PRKCB: variants seen among roughly 807,000 people sequenced by gnomAD.
PRKCB encodes the protein protein kinase C beta.
A neutral mutation model predicts 81.5 loss-of-function variants in PRKCB; 13 were observed. The observed-to-expected ratio is 0.16, with a 90% CI of 0.10 to 0.25. The LOEUF (loss-of-function observed/expected upper bound fraction) is 0.25, where lower values mean the gene tolerates loss of function less well. Ranked by LOEUF, PRKCB falls within the 10% of genes least tolerant of loss-of-function variation. PRKCB has a pLI of 1.00. For missense variants in PRKCB, 509 were observed against 875.7 expected (o/e 0.58, Z 5.29); for synonymous variants, 335 against 321.4 (o/e 1.04, Z -0.45).
chr16:24,023,664 G>A (rs560788476), intron 3 of PRKCB, among the ~76,000 whole-genome samples: 16 of 152,152 alleles, frequency 1.1e-4, no homozygotes, highest in Admixed American at 5.9e-4. Context: ...CACCGCACCC[G>A]GCCAGGCAGG....
intron 10 of PRKCB, among the ~76,000 whole-genome samples, chr16:24,167,538 C>T (rs71379850): frequency 0.19 from 28,019 of 151,130 alleles, 2,835 homozygotes; most frequent in South Asian, 0.33. Context: ...CCAGACTGGG[C>T]GACAGAGTGA....
intron 12 of PRKCB, among the ~76,000 whole-genome samples, chr16:24,179,243 C>G (rs1967582014): frequency 6.6e-6 from 1 of 152,212 alleles, no homozygotes; most frequent in African/African-American, 2.4e-5. Flanking sequence ...CTGGGACAGG[C>G]CCACTTGACC....
At chr16:24,211,726 T>G (rs2238495) in intron 16 of PRKCB, among the ~76,000 whole-genome samples, 7,967 of 151,982 alleles carry the variant, frequency 0.052, 312 homozygotes, top group East Asian at 0.17. Flanking sequence ...GCCTGGCTAA[T>G]TTTTTGTATT....
At chr16:23,947,962 AC>A (rs1030317356) in intron 2 of PRKCB, among the ~76,000 whole-genome samples, 1 of 150,234 alleles carries the variant, frequency 6.7e-6, no homozygotes, top group Middle Eastern at 3.4e-3. Context: ...CAACTCAGAA[AC>A]CCACTCGCCC....
chr16:24,083,136 A>G (rs1348350996), intron 5 of PRKCB, among the ~76,000 whole-genome samples: 1 of 152,216 alleles, frequency 6.6e-6, no homozygotes. Context: ...ATGAGATACC[A>G]TTGCACACTT....
intron 11 of PRKCB, 78 bp downstream of exon 11, chr16:24,172,439 C>A: frequency 8.1e-7 from 1 of 1,240,104 alleles, no homozygotes; most frequent in Non-Finnish European, 1.2e-6. Flanking sequence ...TGTTTTTTTG[C>A]CAAAGAGGGA....
chr16:24,124,107 A>G, intron 9 of PRKCB, 126 bp downstream of exon 9: 1 of 1,107,564 alleles, frequency 9.0e-7, no homozygotes, highest in Non-Finnish European at 1.3e-6. Flanking sequence ...GAGCCACACT[A>G]CACTTTGTAA....
At chr16:23,903,955 C>T (rs374050707) in intron 2 of PRKCB, among the ~76,000 whole-genome samples, 16 of 152,246 alleles carry the variant, frequency 1.1e-4, no homozygotes, top group South Asian at 4.1e-4. Flanking sequence ...AAATATGTGT[C>T]GACTAAATGA....
chr16:24,210,072 T>G (rs902420983), intron 16 of PRKCB, among the ~76,000 whole-genome samples: 1 of 152,162 alleles, frequency 6.6e-6, no homozygotes, highest in African/African-American at 2.4e-5. Context: ...GCTGTGATCA[T>G]GCCTCTGACT....
intron 5 of PRKCB, among the ~76,000 whole-genome samples, chr16:24,047,413 C>T (rs1218212377): frequency 6.6e-6 from 1 of 152,050 alleles, no homozygotes; most frequent in Non-Finnish European, 1.5e-5. Flanking sequence ...CACCTGTAGT[C>T]CCAGCTACTT....
At chr16:23,888,324 G>A (rs552984105) in intron 2 of PRKCB, among the ~76,000 whole-genome samples, 24 of 152,280 alleles carry the variant, frequency 1.6e-4, no homozygotes, top group African/African-American at 5.5e-4. Flanking sequence ...AGGAAGCTCC[G>A]TGAAAGCTCT....
chr16:24,167,110 A>G (rs531275309), intron 10 of PRKCB, among the ~76,000 whole-genome samples: 1 of 151,790 alleles, frequency 6.6e-6, no homozygotes, highest in Non-Finnish European at 1.5e-5. Context: ...CGTGCAGCAA[A>G]GACAGATGCT....
intron 13 of PRKCB, among the ~76,000 whole-genome samples, chr16:24,184,640 CAGCTG>C (rs1209074591): frequency 2.0e-5 from 3 of 152,088 alleles, no homozygotes; most frequent in African/African-American, 7.2e-5. Flanking sequence ...GTTATTATCT[CAGCTG>C]AGCTATCTTT....
At chr16:24,190,965 A>G in intron 15 of PRKCB, 125 bp from the exon 16 acceptor site, 4 of 1,269,098 alleles carry the variant, frequency 3.2e-6, no homozygotes, top group Non-Finnish European at 4.3e-6. Flanking sequence ...AAAGCAAAAA[A>G]CAAAAATGAG....
chr16:24,135,315 T>A (rs893396927), intron 9 of PRKCB, among the ~76,000 whole-genome samples: 1 of 148,538 alleles, frequency 6.7e-6, no homozygotes, highest in African/African-American at 2.5e-5. Flanking sequence ...TGTCCCTTTT[T>A]TTTTTTTTTT....
chr16:23,990,679 C>G (rs938396221), intron 3 of PRKCB, among the ~76,000 whole-genome samples: 2 of 151,996 alleles, frequency 1.3e-5, no homozygotes, highest in African/African-American at 4.8e-5. Context: ...GCCCACGTAG[C>G]TGGGCCTACA....
At chr16:24,001,614 C>T (rs565883442) in intron 3 of PRKCB, among the ~76,000 whole-genome samples, 105 of 151,826 alleles carry the variant, frequency 6.9e-4, no homozygotes, top group Non-Finnish European at 1.4e-3. Context: ...AATTGAAAAC[C>T]AGAATAGGCA....
At chr16:23,882,012 T>TTCTCTC in intron 2 of PRKCB, among the ~76,000 whole-genome samples, 1 of 101,968 alleles carries the variant, frequency 9.8e-6, no homozygotes, top group Non-Finnish European at 2.0e-5. Context: ...CTTTCTTTCT[T>TTCTCTC]TCTTTCTTTC....
chr16:24,129,802 G>C (rs1391660984), intron 9 of PRKCB, among the ~76,000 whole-genome samples: 1 of 152,120 alleles, frequency 6.6e-6, no homozygotes, highest in Non-Finnish European at 1.5e-5. Flanking sequence ...CATTATGATT[G>C]GCAATATAAA....
Sources: gnomAD v4.1 joint callset for allele counts (sites outside exome capture counted in the v4.1 genomes callset) on GRCh38, gnomAD v4.1.1 for gene constraint, MANE v1.5 for transcripts, NCBI Gene and HGNC (gene_info 2026-07-23, HGNC 2026-07-21) for gene names.